RBFOX1: variants seen among roughly 807,000 people sequenced by gnomAD.
The protein encoded by RBFOX1 is RNA binding protein fox-1 homolog 1.
Under a neutral mutation model 57.7 loss-of-function variants are expected in RBFOX1, and 8 were observed. That is an observed-to-expected ratio of 0.14 (90% CI 0.08 to 0.25). RBFOX1 has a LOEUF of 0.25. RBFOX1 is among the 10% of genes least tolerant of loss of function. RBFOX1 has a pLI of 1.00. For synonymous variants in RBFOX1, 326 were observed against 222.4 expected (o/e 1.47, Z -4.15); for missense variants, 611 against 548.5 (o/e 1.11, Z -1.14).
At chr16:6,020,394 C>G (rs980651347) in intron 1 of RBFOX1, among the ~76,000 whole-genome samples, 1 of 152,156 alleles carries the variant, frequency 6.6e-6, no homozygotes, top group Non-Finnish European at 1.5e-5. Context: ...ACCGCTGCCT[C>G]CGCCCGCAGG....
chr16:5,907,171 C>G (rs533363505), intron 4 of RBFOX1, among the ~76,000 whole-genome samples: 7 of 152,228 alleles, frequency 4.6e-5, no homozygotes, highest in South Asian at 2.1e-4. Context: ...GATTGTTGAC[C>G]TGCTGTGGCT....
intron 2 of RBFOX1, among the ~76,000 whole-genome samples, chr16:6,511,052 G>T (rs1313606304): frequency 6.6e-6 from 1 of 152,142 alleles, no homozygotes; most frequent in East Asian, 1.9e-4. Context: ...CAACATTGAG[G>T]TTGCAAGCAT....
At chr16:6,303,647 A>G (rs1363305688) in intron 1 of RBFOX1, among the ~76,000 whole-genome samples, 2 of 152,050 alleles carry the variant, frequency 1.3e-5, no homozygotes, top group Admixed American at 1.3e-4. Context: ...AGAAATGGAA[A>G]GCTACTTTTC....
intron 4 of RBFOX1, among the ~76,000 whole-genome samples, chr16:7,288,253 C>G (rs1048426102): frequency 6.6e-6 from 1 of 152,192 alleles, no homozygotes; most frequent in Non-Finnish European, 1.5e-5. Context: ...TCAGAGAACT[C>G]TCACATCAAT....
intron 2 of RBFOX1, among the ~76,000 whole-genome samples, chr16:5,492,590 G>C (rs997662556): frequency 6.6e-6 from 1 of 152,172 alleles, no homozygotes; most frequent in Admixed American, 6.5e-5. Flanking sequence ...TGTGTACAAA[G>C]GTCCTGTGGC....
At position 7,499,463 on chromosome 16, in the gene RBFOX1, T is replaced by C. The variant is rs180990809; in HGVS notation, c.28-18684T>C. Among the ~76,000 whole-genome samples the C allele has an allele frequency of 2.4e-4, 36 of 150,676 alleles. No individual in the cohort carries two copies. The East Asian group carries it at 6.8e-3, about 28-fold the overall frequency. ...GATACTGGGAGCTGGGACTTTAGTA[T>C]TGGAATTTGAAAATAAGACAATTCA... is the stretch of plus-strand genomic sequence containing the variant. On this transcript the variant is annotated intron_variant, in intron 4 of 15. Coordinates refer to ENST00000550418, the MANE Select transcript of RBFOX1 (RefSeq NM_018723.4).
At chr16:7,464,829 T>C (rs1485778975) in intron 4 of RBFOX1, among the ~76,000 whole-genome samples, 1 of 150,730 alleles carries the variant, frequency 6.6e-6, no homozygotes, top group East Asian at 2.0e-4. Context: ...CCCGAGTAGC[T>C]GGGACTGCAG....
intron 4 of RBFOX1, among the ~76,000 whole-genome samples, chr16:7,207,045 G>T (rs1029642080): frequency 2.0e-5 from 3 of 152,104 alleles, no homozygotes; most frequent in African/African-American, 7.2e-5. Context: ...AACTTCAAGG[G>T]CTTTATGGAA....
intron 4 of RBFOX1, among the ~76,000 whole-genome samples, chr16:7,215,537 T>A (rs975631920): frequency 3.3e-5 from 5 of 152,140 alleles, no homozygotes; most frequent in African/African-American, 1.2e-4. Context: ...ATTCACCCAT[T>A]TTAAGTGTAC....
At chr16:5,347,370 C>A (rs187220485) in intron 1 of RBFOX1, among the ~76,000 whole-genome samples, 1 of 152,170 alleles carries the variant, frequency 6.6e-6, no homozygotes, top group Non-Finnish European at 1.5e-5. Flanking sequence ...CTCCTTGAAT[C>A]ATACTTTGTT....
intron 3 of RBFOX1, among the ~76,000 whole-genome samples, chr16:7,048,141 A>T (rs2048687508): frequency 6.6e-6 from 1 of 152,148 alleles, no homozygotes. Flanking sequence ...GGCTTCCCAA[A>T]ATTCTGGGAT....
chr16:7,190,074 A>G (rs922178180), intron 4 of RBFOX1, among the ~76,000 whole-genome samples: 1 of 152,176 alleles, frequency 6.6e-6, no homozygotes, highest in African/African-American at 2.4e-5. Flanking sequence ...TAAAATAAAA[A>G]TCTTGGCCGG....
At chr16:6,237,213 C>T (rs796502826) in intron 1 of RBFOX1, among the ~76,000 whole-genome samples, 2 of 152,110 alleles carry the variant, frequency 1.3e-5, no homozygotes, top group African/African-American at 4.8e-5. Context: ...TTAGGTATTT[C>T]GTCTTTGTTA....
At chr16:7,158,597 C>G (rs1359786529) in intron 4 of RBFOX1, among the ~76,000 whole-genome samples, 1 of 151,496 alleles carries the variant, frequency 6.6e-6, no homozygotes, top group Admixed American at 6.6e-5. Context: ...GTGCCTGTGT[C>G]CTGTGACCAT....
chr16:5,684,985 C>T (rs975428379), intron 3 of RBFOX1, among the ~76,000 whole-genome samples: 1 of 152,178 alleles, frequency 6.6e-6, no homozygotes, highest in Non-Finnish European at 1.5e-5. Context: ...GAAGTTGGGG[C>T]ATCCAGCCTG....
intron 3 of RBFOX1, among the ~76,000 whole-genome samples, chr16:5,828,492 G>T (rs1020068432): frequency 4.6e-5 from 7 of 152,148 alleles, no homozygotes; most frequent in Admixed American, 3.9e-4. Flanking sequence ...GAGGTCAATA[G>T]ATCAAGACCA....
intron 4 of RBFOX1, among the ~76,000 whole-genome samples, chr16:7,430,952 C>G (rs180748885): frequency 1.3e-4 from 20 of 152,320 alleles, no homozygotes; most frequent in Admixed American, 1.2e-3. Context: ...GTTTCTTAGA[C>G]TCAGAAAAAT....
intron 3 of RBFOX1, among the ~76,000 whole-genome samples, chr16:5,787,329 C>T (rs1255839235): frequency 6.6e-6 from 1 of 152,128 alleles, no homozygotes; most frequent in Non-Finnish European, 1.5e-5. Flanking sequence ...ACAGAAGAGC[C>T]TCACAGTGAA....
Position 7,637,122 on chromosome 16 carries a change from G to C in RBFOX1, c.757+6439G>C, listed in dbSNP as rs1054974307. 2.6e-5 allele frequency among the ~76,000 whole-genome samples: 4 copies of C among 152,020 alleles called. No individual in the cohort carries two copies. The East Asian group carries it at 7.7e-4, about 29-fold the overall frequency. On this transcript the variant is annotated intron_variant, in intron 11 of 15. Transcript: ENST00000550418. ...CTGGAAGAAATTTCTTTATTGTTCC[G>C]TATGCTTATCAATGCCAATGAGCGC... is the stretch of plus-strand genomic sequence containing the variant.
Sources: allele counts gnomAD v4.1 joint callset (sites outside exome capture counted in the v4.1 genomes callset), GRCh38; gene constraint gnomAD v4.1.1; transcripts MANE v1.5; gene names NCBI Gene and HGNC (gene_info 2026-07-23, HGNC 2026-07-21).